Variants in SLC15A1 observed in about 807,000 individuals in gnomAD.
SLC15A1 encodes Caco-2 oligopeptide transporter.
A neutral mutation model predicts 92.9 loss-of-function variants in SLC15A1; 83 were observed. The ratio of observed to expected loss-of-function variants is 0.89; its 90% CI spans 0.75 to 1.07. The LOEUF is 1.07. Among genes scored for constraint, SLC15A1 ranks in the 50% least tolerant of loss-of-function variants. The probability of loss-of-function intolerance (pLI) is 0.00; values close to 1 mark genes in which losing one functional copy is unlikely to be tolerated. For missense variants in SLC15A1, 857 were observed against 880.1 expected (o/e 0.97, Z 0.33); for synonymous variants, 322 against 318.2 (o/e 1.01, Z -0.13).
At chr13:98,710,162 C>T (rs1047295245) in intron 11 of SLC15A1, among the ~76,000 whole-genome samples, 1 of 152,192 alleles carries the variant, frequency 6.6e-6, no homozygotes, top group Non-Finnish European at 1.5e-5. Context: ...CAAAGCAGTA[C>T]CCTGAGATGA....
intron 18 of SLC15A1, among the ~76,000 whole-genome samples, chr13:98,689,886 T>C (rs538244581): frequency 6.6e-6 from 1 of 152,198 alleles, no homozygotes; most frequent in Non-Finnish European, 1.5e-5. Context: ...AGGCTTCCTA[T>C]CTCTACAAAG....
chr13:98,725,167 G>A (rs1170707506), intron 4 of SLC15A1, among the ~76,000 whole-genome samples: 2 of 152,194 alleles, frequency 1.3e-5, no homozygotes, highest in Non-Finnish European at 2.9e-5. Context: ...AATGGAAGCA[G>A]CCTGAGACTT....
rs767177227 is a variant in SLC15A1 at position 98,711,932 on chromosome 13, G to A, written c.822C>T (p.Ile274=). Residue 274 remains isoleucine (I), a synonymous_variant, in exon 11 of 23, where the codon ATC becomes ATT. Transcript: ENST00000376503. ...WAKEKYDERL[I]SQIKMVTRVM... ...CCCTCGTAACCATCTTAATTTGGGA[G>A]ATGAGCCGCTCCTGTAGTTGGAGTG... 62 of 1,612,030 alleles carry A rather than the reference G, an allele frequency of 3.8e-5. No homozygotes were observed. The Middle Eastern group carries it at 1.7e-3, about 43-fold the overall frequency.
At position 98,712,498 on chromosome 13, in the gene SLC15A1, A is replaced by G. The variant is rs1364119824; in HGVS notation, c.810T>C (p.Asp270=). The G allele has an allele frequency of 6.2e-6, 10 of 1,606,296 alleles. No homozygotes were observed. In the South Asian group the frequency reaches 8.8e-5, roughly 14 times the overall value. The change falls in exon 10 of 23, where the codon GAT becomes GAC. Residue 270 remains aspartate (D), a splice_region_variant and synonymous_variant. Coordinates refer to ENST00000376503, the MANE Select transcript of SLC15A1 (RefSeq NM_005073.4). Reference sequence around the variant, plus strand: ...CATTGTAGCAATGACCGTTACTTACATCGTATTTCTCTTTAGCCCAGTCCA... The same window carrying G: ...CATTGTAGCAATGACCGTTACTTACGTCGTATTTCTCTTTAGCCCAGTCCA... ...HWLDWAKEKY[D]ERLISQIKMV... is the part of the protein sequence containing the mutation.
At chr13:98,733,258 GTTTT>G (rs955857590) in intron 1 of SLC15A1, among the ~76,000 whole-genome samples, 4 of 152,276 alleles carry the variant, frequency 2.6e-5, no homozygotes, top group Admixed American at 6.5e-5. Flanking sequence ...TAAGCTTGTG[GTTTT>G]TTTGTTACAG....
At chr13:98,726,958 G>C in intron 1 of SLC15A1, 99 bp from the exon 2 acceptor site, 1 of 1,160,806 alleles carries the variant, frequency 8.6e-7, no homozygotes, top group Non-Finnish European at 1.3e-6. Flanking sequence ...GTGGTCAGAG[G>C]GGCCATTCAC....
At chr13:98,703,234 G>A (rs1414374317) in intron 17 of SLC15A1, among the ~76,000 whole-genome samples, 1 of 150,702 alleles carries the variant, frequency 6.6e-6, no homozygotes, top group Non-Finnish European at 1.5e-5. Flanking sequence ...GAAGAAAAGA[G>A]AAGAGAGAAA....
chr13:98,692,244 C>T (rs1432911526), intron 18 of SLC15A1, among the ~76,000 whole-genome samples: 3 of 147,172 alleles, frequency 2.0e-5, no homozygotes, highest in Admixed American at 1.4e-4. Context: ...GCCTTGAACT[C>T]CTGGGCTCAA....
intron 7 of SLC15A1, among the ~76,000 whole-genome samples, chr13:98,719,681 T>C (rs2088239554): frequency 6.6e-6 from 1 of 152,224 alleles, no homozygotes; most frequent in South Asian, 2.1e-4. Context: ...AAATCAATAC[T>C]ATCTGTTCCT....
chr13:98,705,801 A>G (rs1385588314), intron 16 of SLC15A1, among the ~76,000 whole-genome samples: 1 of 152,116 alleles, frequency 6.6e-6, no homozygotes, highest in Non-Finnish European at 1.5e-5. Context: ...CTAAGGCAGA[A>G]GAAATGCTTG....
intron 11 of SLC15A1, among the ~76,000 whole-genome samples, chr13:98,710,436 G>T (rs2088152237): frequency 6.6e-6 from 1 of 152,164 alleles, no homozygotes; most frequent in African/African-American, 2.4e-5. Flanking sequence ...GGACTGTACA[G>T]GTAAATATGA....
intron 18 of SLC15A1, among the ~76,000 whole-genome samples, chr13:98,690,147 T>C (rs2139561965): frequency 6.6e-6 from 1 of 152,298 alleles, no homozygotes; most frequent in Admixed American, 6.5e-5. Context: ...GAACAATAAG[T>C]CTTACTAGTG....
intron 4 of SLC15A1, 74 bp from the exon 5 acceptor site, chr13:98,724,105 A>T (rs1419953084): frequency 9.5e-6 from 15 of 1,573,486 alleles, no homozygotes; most frequent in Non-Finnish European, 1.3e-5. Flanking sequence ...ACCACAAAAG[A>T]CCCCCTCCTT....
chr13:98,724,717 C>T (rs1477201430), intron 4 of SLC15A1, among the ~76,000 whole-genome samples: 1 of 152,192 alleles, frequency 6.6e-6, no homozygotes, highest in Non-Finnish European at 1.5e-5. Context: ...TTGTGATCCA[C>T]CTGCCTTGGC....
At position 98,684,710 on chromosome 13, in the gene SLC15A1, T is replaced by G; in HGVS notation, c.*14A>C. The G allele has an allele frequency of 6.2e-7, 1 of 1,612,838 alleles. No homozygotes were observed. The highest frequency in any genetic ancestry group is 2.2e-5 in the East Asian group (1 of 44,880). On this transcript the variant is annotated 3_prime_UTR_variant, in exon 23 of 23. Transcript: ENST00000376503. ...TCTGCGGGCCCAGTCCATCCTCCACTTGCCTCCTGACCTTCACATCTGTTT... is the reference window on the plus strand; with the variant it reads ...TCTGCGGGCCCAGTCCATCCTCCACGTGCCTCCTGACCTTCACATCTGTTT...
chr13:98,727,452 T>C (rs954910560), intron 1 of SLC15A1, among the ~76,000 whole-genome samples: 2 of 151,980 alleles, frequency 1.3e-5, no homozygotes, highest in African/African-American at 4.8e-5. Context: ...AGAAGAATCA[T>C]GTGCCATCCA....
At chr13:98,712,407 T>C (rs1035654013) in intron 10 of SLC15A1, 91 bp downstream of exon 10, 2 of 993,568 alleles carry the variant, frequency 2.0e-6, no homozygotes, top group African/African-American at 1.6e-5. Flanking sequence ...TCACTGACCA[T>C]TTTGTCCATG....
At chr13:98,737,699 T>G (rs1420816431) in intron 1 of SLC15A1, among the ~76,000 whole-genome samples, 1 of 152,122 alleles carries the variant, frequency 6.6e-6, no homozygotes, top group Non-Finnish European at 1.5e-5. Flanking sequence ...ATTACCCAGG[T>G]GTTTCCTTAT....
intron 8 of SLC15A1, among the ~76,000 whole-genome samples, chr13:98,716,823 C>T (rs571441337): frequency 6.6e-6 from 1 of 152,170 alleles, no homozygotes; most frequent in Non-Finnish European, 1.5e-5. Context: ...GTTAGAAGCA[C>T]CTTTTCAATG....
Sources: allele counts gnomAD v4.1 joint callset (sites outside exome capture counted in the v4.1 genomes callset), GRCh38; gene constraint gnomAD v4.1.1; transcripts MANE v1.5; gene names NCBI Gene and HGNC (gene_info 2026-07-23, HGNC 2026-07-21).